Variants in TMPO observed in about 807,000 individuals in gnomAD.
TMPO encodes LEM domain containing 4.
TMPO carries 22 observed loss-of-function variants against 45.4 expected under a neutral mutation model. The observed-to-expected ratio is 0.48, with a 90% confidence interval of 0.35 to 0.69. The LOEUF (loss-of-function observed/expected upper bound fraction) is 0.69. TMPO is among the 30% of genes least tolerant of loss of function. The probability of loss-of-function intolerance (pLI) is 0.01; values close to 1 mark genes in which losing one functional copy is unlikely to be tolerated. For missense variants in TMPO, 512 were observed against 548.8 expected (o/e 0.93, Z 0.67); for synonymous variants, 241 against 204.1 (o/e 1.18, Z -1.54).
At chr12:98,532,487 ACTATATTTT>A (rs1312493728) in intron 3 of TMPO, among the ~76,000 whole-genome samples, 1 of 142,062 alleles carries the variant, frequency 7.0e-6, no homozygotes. Flanking sequence ...AAATATTTTG[ACTATATTTT>A]TAGTAGACTG....
At chr12:98,529,488 T>C (rs1421730478) in intron 2 of TMPO, among the ~76,000 whole-genome samples, 1 of 152,206 alleles carries the variant, frequency 6.6e-6, no homozygotes, top group Non-Finnish European at 1.5e-5. Context: ...TTTTAGGTGA[T>C]GAAGATTTTG....
At chr12:98,536,303 A>G (rs1877562143) in intron 3 of TMPO, among the ~76,000 whole-genome samples, 1 of 152,208 alleles carries the variant, frequency 6.6e-6, no homozygotes, top group South Asian at 2.1e-4. Flanking sequence ...TAGAAGTTTT[A>G]GAAATAACAA....
chr12:98,516,258 G>C (rs1023035197), intron 1 of TMPO, 112 bp downstream of exon 1: 9 of 1,271,614 alleles, frequency 7.1e-6, no homozygotes, highest in African/African-American at 3.1e-5. Context: ...TCCCAGGTGC[G>C]GGGCTGTCCC....
intron 2 of TMPO, among the ~76,000 whole-genome samples, chr12:98,530,921 A>G (rs1220381108): frequency 6.6e-6 from 1 of 152,206 alleles, no homozygotes; most frequent in Non-Finnish European, 1.5e-5. Flanking sequence ...TATGTATTTC[A>G]TGCTATTAAA....
At chr12:98,535,309 C>CCCAG (rs1468036305) in intron 3 of TMPO, 12 of 982,172 alleles carry the variant, frequency 1.2e-5, no homozygotes, top group Non-Finnish European at 1.5e-5. Flanking sequence ...TATACTATAT[C>CCCAG]CCAGTATCTG....
chr12:98,523,736 C>T (rs374938019), intron 1 of TMPO, among the ~76,000 whole-genome samples: 27 of 152,086 alleles, frequency 1.8e-4, no homozygotes, highest in African/African-American at 6.0e-4. Context: ...AGTGCAGTGG[C>T]GCAATCTTGG....
chr12:98,524,410 G>C (rs1876603225), intron 1 of TMPO, among the ~76,000 whole-genome samples: 1 of 152,034 alleles, frequency 6.6e-6, no homozygotes, highest in African/African-American at 2.4e-5. Flanking sequence ...TGTCTCTACT[G>C]AAAGTACAAA....
chr12:98,538,929 G>A (rs12831319), intron 4 of TMPO, among the ~76,000 whole-genome samples: 47,849 of 151,850 alleles, frequency 0.32, 8,308 homozygotes, highest in African/African-American at 0.47. Context: ...GGCCGGGCGC[G>A]GTGGCTCACG....
Position 98,549,271 on chromosome 12 carries a change from C to T in TMPO, c.*1413C>T, listed in dbSNP as rs1201348387. On this transcript the variant is annotated 3_prime_UTR_variant, in exon 9 of 9. Coordinates refer to ENST00000556029, the MANE Select transcript of TMPO (RefSeq NM_001032283.3). ...TGGAGTCTCACTCTTGTCACCCAGA[C>T]TGTAGTGCAGTGGCACGATCTGGGC... The T allele has an allele frequency of 6.6e-6, 1 of 152,080 alleles. No individual in the cohort carries two copies. Among genetic ancestry groups the T allele is most frequent in the Admixed American group, 6.6e-5 (1 of 15,264 alleles). 9.4% of individuals were successfully genotyped at this position (152,080 alleles called of 1,614,324 possible).
At chr12:98,534,883 T>C in intron 3 of TMPO, 1 of 985,874 alleles carries the variant, frequency 1.0e-6, no homozygotes, top group Non-Finnish European at 1.2e-6. Flanking sequence ...TCTAGATCAA[T>C]GCAACTCAAA....
At chr12:98,547,475 T>C in intron 8 of TMPO, 98 bp from the exon 9 acceptor site, 2 of 1,412,710 alleles carry the variant, frequency 1.4e-6, no homozygotes, top group South Asian at 1.2e-5. Context: ...TCAGGGAATG[T>C]GCTTGGAATT....
chr12:98,520,831 CAG>C (rs1482218018), intron 1 of TMPO, among the ~76,000 whole-genome samples: 1 of 152,064 alleles, frequency 6.6e-6, no homozygotes, highest in African/African-American at 2.4e-5. Context: ...CTCGGCCTCC[CAG>C]AGTTCTGGAA....
In TMPO at chr12:98,516,155, G is replaced by T. The variant is rs1256491473; in HGVS notation, c.279+9G>T. On this transcript the variant is annotated intron_variant, in intron 1 of 8. Coordinates refer to ENST00000556029, the MANE Select transcript of TMPO (RefSeq NM_001032283.3). ...GAGCAGCCGTCGGCAGGGTAAGGAC[G>T]CGGGGCCGGGGCTACAAAGGCGGGC... is the stretch of plus-strand genomic sequence containing the variant. 9.3e-6 allele frequency: 13 copies of T among 1,396,376 alleles called. No individual in the cohort carries two copies. The highest frequency in any genetic ancestry group is 1.2e-5 in the Non-Finnish European group (13 of 1,082,254). 86.5% of individuals were successfully genotyped at this position (1,396,376 alleles called of 1,614,324 possible). A position where few individuals can be genotyped will look rare whatever the true frequency, so the allele number is the denominator to read the frequency against.
At chr12:98,516,924 C>T (rs1441637635) in intron 1 of TMPO, among the ~76,000 whole-genome samples, 1 of 152,202 alleles carries the variant, frequency 6.6e-6, no homozygotes, top group Non-Finnish European at 1.5e-5. Context: ...ATTCTCCTGC[C>T]TCAGCCTCCC....
chr12:98,536,082 C>G (rs748694988), intron 3 of TMPO, among the ~76,000 whole-genome samples: 5 of 152,108 alleles, frequency 3.3e-5, no homozygotes, highest in Non-Finnish European at 5.9e-5. Flanking sequence ...ACTGTTTAAA[C>G]TAACTTGATA....
At chr12:98,520,646 C>T (rs1287648138) in intron 1 of TMPO, among the ~76,000 whole-genome samples, 6 of 144,782 alleles carry the variant, frequency 4.1e-5, no homozygotes, top group African/African-American at 1.3e-4. Flanking sequence ...TTTTTTGAAA[C>T]GGAGTCTCAG....
At chr12:98,516,910 A>G (rs1875887615) in intron 1 of TMPO, among the ~76,000 whole-genome samples, 1 of 152,140 alleles carries the variant, frequency 6.6e-6, no homozygotes, top group African/African-American at 2.4e-5. Context: ...CCCGGGTTCA[A>G]GCGATTCTCC....
At chr12:98,538,034 T>C (rs980856341) in intron 4 of TMPO, among the ~76,000 whole-genome samples, 2 of 152,220 alleles carry the variant, frequency 1.3e-5, no homozygotes, top group East Asian at 3.8e-4. Context: ...TCTTTCCTTA[T>C]TTCAGATGAA....
At chr12:98,538,494 A>G (rs911779960) in intron 4 of TMPO, among the ~76,000 whole-genome samples, 1 of 152,114 alleles carries the variant, frequency 6.6e-6, no homozygotes, top group Non-Finnish European at 1.5e-5. Flanking sequence ...CTGGGATTAC[A>G]GGCACATGCC....
Sources: allele counts gnomAD v4.1 joint callset (sites outside exome capture counted in the v4.1 genomes callset), GRCh38; gene constraint gnomAD v4.1.1; transcripts MANE v1.5; gene names NCBI Gene and HGNC (gene_info 2026-07-23, HGNC 2026-07-21).